Variants in ZMYM4 observed in about 807,000 individuals in gnomAD.
The protein encoded by ZMYM4 is zinc finger MYM-type protein 4.
In ZMYM4, 31 loss-of-function variants were observed where a neutral mutation model predicts 183.2. The observed-to-expected ratio is 0.17, with a 90% CI of 0.13 to 0.23. ZMYM4 has a LOEUF of 0.23. Among genes scored for constraint, ZMYM4 ranks in the 10% least tolerant of loss-of-function variants. The probability of loss-of-function intolerance (pLI) is 1.00; values close to 1 mark genes in which losing one functional copy is unlikely to be tolerated. For missense variants in ZMYM4, 1,273 were observed against 1,840.3 expected (o/e 0.69, Z 5.64); for synonymous variants, 592 against 631.2 (o/e 0.94, Z 0.93).
intron 1 of ZMYM4, among the ~76,000 whole-genome samples, chr1:35,317,613 G>C (rs1293875772): frequency 6.6e-6 from 1 of 152,158 alleles, no homozygotes. Context: ...GTAAAGGCTG[G>C]TTTGATCATT....
chr1:35,338,088 CA>C (rs1643050616), intron 2 of ZMYM4, among the ~76,000 whole-genome samples: 2 of 152,188 alleles, frequency 1.3e-5, no homozygotes, highest in East Asian at 3.9e-4. Flanking sequence ...ACTATTAAAA[CA>C]TGTGAAAATC....
At position 35,389,155 on chromosome 1, in the gene ZMYM4, A is replaced by G; in HGVS notation, c.2436+73A>G. On this transcript the variant is annotated intron_variant, in intron 14 of 29. Coordinates refer to ENST00000314607, the MANE Select transcript of ZMYM4 (RefSeq NM_005095.3). This position sits in a 1 kb window ranked among gnomAD's most constrained non-coding sequence, Gnocchi z 4.0. Reference sequence around the variant, plus strand: ...ATTCCCTTTTAAAATTTCATGTCACATAAAGGACAATTTAATTATTTAAAA... The same window carrying G: ...ATTCCCTTTTAAAATTTCATGTCACGTAAAGGACAATTTAATTATTTAAAA... The G allele has an allele frequency of 7.0e-7, 1 of 1,427,604 alleles. No individual in the cohort carries two copies. The highest frequency in any genetic ancestry group is 1.4e-5 in the African/African-American group (1 of 69,622). 88.4% of individuals were successfully genotyped at this position (1,427,604 alleles called of 1,614,324 possible).
At chr1:35,282,706 A>G (rs1190789914) in intron 1 of ZMYM4, among the ~76,000 whole-genome samples, 5 of 151,896 alleles carry the variant, frequency 3.3e-5, no homozygotes, top group Non-Finnish European at 1.5e-5. Context: ...CAGATGTGCA[A>G]CACTATGCCC....
At chr1:35,404,036 G>C (rs961491513) in intron 23 of ZMYM4, among the ~76,000 whole-genome samples, 23 of 152,212 alleles carry the variant, frequency 1.5e-4, no homozygotes, top group African/African-American at 5.3e-4. Flanking sequence ...ACCCAGCCTG[G>C]GTTTTAATTT....
chr1:35,273,863 A>G (rs1639735842), intron 1 of ZMYM4, among the ~76,000 whole-genome samples: 1 of 152,192 alleles, frequency 6.6e-6, no homozygotes, highest in South Asian at 2.1e-4. Flanking sequence ...AAAAGTATTC[A>G]TGGTATAATG....
intron 29 of ZMYM4, 117 bp downstream of exon 29, chr1:35,418,689 A>G (rs887468050): frequency 9.0e-6 from 12 of 1,335,068 alleles, no homozygotes; most frequent in African/African-American, 3.0e-5. Context: ...AGGATTTACC[A>G]TGAATTTTTT....
intron 26 of ZMYM4, among the ~76,000 whole-genome samples, chr1:35,413,105 T>C (rs1336331687): frequency 6.6e-6 from 1 of 151,928 alleles, no homozygotes; most frequent in Admixed American, 6.6e-5. Flanking sequence ...TGCAGTGATA[T>C]GATCATAGCT....
chr1:35,338,959 AC>A (rs1643087416), intron 2 of ZMYM4, among the ~76,000 whole-genome samples: 1 of 152,192 alleles, frequency 6.6e-6, no homozygotes, highest in African/African-American at 2.4e-5. Context: ...ATGTAGTTGA[AC>A]GATAATAAAT....
At chr1:35,296,309 A>C (rs1014384000) in intron 1 of ZMYM4, among the ~76,000 whole-genome samples, 1 of 152,068 alleles carries the variant, frequency 6.6e-6, no homozygotes, top group Admixed American at 6.5e-5. Flanking sequence ...TTAAATATAG[A>C]CTATTGTTGA....
intron 26 of ZMYM4, 64 bp downstream of exon 26, chr1:35,408,223 A>G: frequency 6.3e-7 from 1 of 1,582,372 alleles, no homozygotes; most frequent in South Asian, 1.1e-5. Flanking sequence ...ATGTCCCCAC[A>G]GAAATTACAT....
chr1:35,352,178 C>T (rs536689243), intron 2 of ZMYM4, among the ~76,000 whole-genome samples: 2 of 152,198 alleles, frequency 1.3e-5, no homozygotes, highest in Non-Finnish European at 2.9e-5. Context: ...GTGGGAGGAT[C>T]GCTTGAGTCC....
chr1:35,372,071 C>T (rs540357868), intron 7 of ZMYM4, among the ~76,000 whole-genome samples: 4 of 152,212 alleles, frequency 2.6e-5, no homozygotes, highest in Admixed American at 2.0e-4. Flanking sequence ...TTTTTATCTC[C>T]TGAGTGCTTA....
chr1:35,405,473 A>C lies in ZMYM4; in HGVS notation c.3796+5A>C, dbSNP rs755070142. 3 of 1,587,704 alleles carry C rather than the reference A, an allele frequency of 1.9e-6. No homozygotes were observed. Among genetic ancestry groups the C allele is most frequent in the Non-Finnish European group, 2.6e-6 (3 of 1,169,598 alleles). ...CCTCAGAGCCAGGCTGTAGAGGTAA[A>C]ATTTGTTTCTCTCCATTTGGTATGA... On this transcript the variant is annotated splice_donor_5th_base_variant and intron_variant, in intron 25 of 29. Coordinates refer to ENST00000314607, the MANE Select transcript of ZMYM4 (RefSeq NM_005095.3).
chr1:35,279,801 C>G (rs1640054543), intron 1 of ZMYM4, among the ~76,000 whole-genome samples: 1 of 152,184 alleles, frequency 6.6e-6, no homozygotes, highest in South Asian at 2.1e-4. Context: ...TCTTCCAGTT[C>G]CCAGTCACAT....
intron 18 of ZMYM4, among the ~76,000 whole-genome samples, chr1:35,395,398 C>T (rs1644791508): frequency 6.6e-6 from 1 of 151,858 alleles, no homozygotes; most frequent in Admixed American, 6.6e-5. Context: ...GAGTTCAAGA[C>T]CAGCCTGGGC....
chr1:35,355,200 C>CTTTTTTTTTTTTTT (rs1013941289), intron 2 of ZMYM4, among the ~76,000 whole-genome samples: 2 of 77,196 alleles, frequency 2.6e-5, no homozygotes, highest in East Asian at 6.4e-4. Flanking sequence ...CGCCTGGCTT[C>CTTTTTTTTTTTTTT]TTTTTTTTTT....
intron 26 of ZMYM4, among the ~76,000 whole-genome samples, chr1:35,410,528 G>A (rs1320368233): frequency 2.6e-5 from 4 of 151,450 alleles, no homozygotes; most frequent in East Asian, 3.9e-4. Context: ...TCGCTCTGTC[G>A]CCCAGGCTGG....
At chr1:35,288,120 C>G (rs962040380) in intron 1 of ZMYM4, among the ~76,000 whole-genome samples, 1 of 152,176 alleles carries the variant, frequency 6.6e-6, no homozygotes, top group African/African-American at 2.4e-5. Context: ...CTTGTTAATA[C>G]TACATCAGGT....
chr1:35,407,927 G>A (rs1645033229), intron 25 of ZMYM4, 81 bp from the exon 26 acceptor site: 1 of 1,563,558 alleles, frequency 6.4e-7, no homozygotes, highest in South Asian at 1.2e-5. Context: ...GAGCACAGTA[G>A]TGTTCAATGT....
Sources: allele counts gnomAD v4.1 joint callset (sites outside exome capture counted in the v4.1 genomes callset), GRCh38; gene constraint gnomAD v4.1.1; non-coding constraint Gnocchi (gnomAD v3.1); transcripts MANE v1.5; gene names NCBI Gene and HGNC (gene_info 2026-07-23, HGNC 2026-07-21).